PKD1L1: variants seen among roughly 807,000 people sequenced by gnomAD.
The protein encoded by PKD1L1 is polycystin-1-like protein 1.
PKD1L1 carries 236 observed loss-of-function variants against 323.4 expected under a neutral mutation model. The ratio of observed to expected loss-of-function variants is 0.73; its 90% CI spans 0.66 to 0.81. The LOEUF is 0.81. Ranked by LOEUF, PKD1L1 falls within the 40% of genes least tolerant of loss-of-function variation. The probability of loss-of-function intolerance (pLI) is 0.00; values close to 1 mark genes in which losing one functional copy is unlikely to be tolerated. For missense variants in PKD1L1, 3,320 were observed against 3,508.0 expected (o/e 0.95, Z 1.35); for synonymous variants, 1,344 against 1,335.0 (o/e 1.01, Z -0.15).
In PKD1L1 at chr7:47,811,991, G is replaced by T; in HGVS notation, c.7407C>A (p.Thr2469=). 1 of 1,590,980 alleles carries T rather than the reference G, an allele frequency of 6.3e-7. No individual in the cohort carries two copies. Among genetic ancestry groups the T allele is most frequent in the Non-Finnish European group, 8.6e-7 (1 of 1,168,748 alleles). ...LRASMWIDRS[T]RAVSVHFTLY... ...GAGTGAAGTGCACAGACACAGCCCT[G>T]GTGCTGCGGTCAATCCACATGCTGG... is the stretch of plus-strand genomic sequence containing the variant. Residue 2469 remains threonine (T), a synonymous_variant, in exon 50 of 57, where the codon ACC becomes ACA. Transcript: ENST00000289672.
chr7:47,880,580 C>A lies in PKD1L1; in HGVS notation c.3520+148G>T, dbSNP rs62447080. On this transcript the variant is annotated intron_variant, in intron 21 of 56. Coordinates refer to ENST00000289672, the MANE Select transcript of PKD1L1 (RefSeq NM_138295.5). ...TACAAGCGTGAGCCACTGTGCCCAG[C>A]CCTATATATATGTAATTTTTTAAAA... The A allele has an allele frequency of 0.17, 53,661 of 322,654 alleles. 10,800 individuals are homozygous for A. The highest frequency in any genetic ancestry group is 0.53 in the African/African-American group (22,312 of 41,890). The allele number at this position is 322,654 out of a possible 1,614,324, so 20.0% of individuals were successfully genotyped here.
At chr7:47,881,632 C>T (rs74384811) in intron 20 of PKD1L1, among the ~76,000 whole-genome samples, 21 of 152,278 alleles carry the variant, frequency 1.4e-4, no homozygotes, top group African/African-American at 4.8e-4. Context: ...AAGGTGCGCA[C>T]CAAGGTGTCT....
intron 5 of PKD1L1, 84 bp downstream of exon 5, chr7:47,931,852 C>T: frequency 6.7e-7 from 1 of 1,492,386 alleles, no homozygotes; most frequent in Non-Finnish European, 9.0e-7. Flanking sequence ...AGGCCGCCTA[C>T]ATACGGGTGA....
At chr7:47,912,511 T>C (rs1421415027) in intron 8 of PKD1L1, among the ~76,000 whole-genome samples, 2 of 151,080 alleles carry the variant, frequency 1.3e-5, no homozygotes, top group Non-Finnish European at 3.0e-5. Context: ...GCTGCTGGAG[T>C]TGCAAATAAA....
rs560805341 is a variant in PKD1L1, at chr7:47,928,526, C to T, written c.1060+678G>A. 1.7e-3 allele frequency among the ~76,000 whole-genome samples: 264 copies of T among 152,114 alleles called. 3 individuals are homozygous for T. The highest frequency in any genetic ancestry group is 6.0e-3 in the African/African-American group (248 of 41,494). On this transcript the variant is annotated intron_variant, in intron 7 of 56. Transcript: ENST00000289672. ...TGGAGGTTGCAGTGAGCCGAGATTGCGCCACTGCACTCCAGCCTGGGCAAC... is the reference window on the plus strand; with the variant it reads ...TGGAGGTTGCAGTGAGCCGAGATTGTGCCACTGCACTCCAGCCTGGGCAAC...
intron 37 of PKD1L1, 143 bp downstream of exon 37, chr7:47,836,774 CTTCT>C (rs1219156545): frequency 5.8e-6 from 6 of 1,027,292 alleles, no homozygotes; most frequent in Non-Finnish European, 8.4e-6. Context: ...CCTCCTGTTC[CTTCT>C]CTGGTCCCCA....
chr7:47,842,576 C>T (rs1364132406), intron 34 of PKD1L1, among the ~76,000 whole-genome samples: 1 of 152,200 alleles, frequency 6.6e-6, no homozygotes, highest in African/African-American at 2.4e-5. Context: ...TCCTCCACCG[C>T]ATCCTTCTTC....
chr7:47,939,463 C>T (rs1444621462), intron 3 of PKD1L1, among the ~76,000 whole-genome samples: 1 of 152,144 alleles, frequency 6.6e-6, no homozygotes, highest in Non-Finnish European at 1.5e-5. Context: ...AATGCTTATT[C>T]TGGGTGAAAA....
intron 55 of PKD1L1, among the ~76,000 whole-genome samples, chr7:47,795,004 A>T (rs1454618056): frequency 2.0e-5 from 3 of 152,146 alleles, no homozygotes; most frequent in African/African-American, 7.2e-5. Context: ...TTTATTTTAC[A>T]GGCTCATAGG....
chr7:47,868,642 G>A (rs946768732), intron 24 of PKD1L1, among the ~76,000 whole-genome samples: 21 of 152,294 alleles, frequency 1.4e-4, no homozygotes, highest in Non-Finnish European at 2.6e-4. Flanking sequence ...TTGGGAGGCC[G>A]AGGCAGGCGG....
chr7:47,906,403 C>A (rs776921704), intron 9 of PKD1L1, among the ~76,000 whole-genome samples: 64 of 151,986 alleles, frequency 4.2e-4, no homozygotes, highest in Non-Finnish European at 8.5e-4. Flanking sequence ...GTACACACAC[C>A]ATACACATAC....
rs1272790321 is a variant in PKD1L1, at chr7:47,908,233, T to G, written c.1246A>C (p.Lys416Gln). The change falls in exon 9 of 57, where the codon AAG becomes CAG. Residue 416 changes from lysine to glutamine, a missense_variant. Lys to Gln is a moderately conservative substitution (Grantham distance 53). Transcript: ENST00000289672. ...AFVTKGVYML[K>Q]AVIYNEFHGT... ...TGAAACTCGTTATAAATAACAGCCT[T>G]GAGCATATAGACTCCTTCTGGAAAA... The G allele has an allele frequency of 4.3e-6, 7 of 1,613,922 alleles. No individual in the cohort carries two copies. The African/African-American group carries it at 5.3e-5, about 12-fold the overall frequency.
chr7:47,794,589 G>A lies in PKD1L1; in HGVS notation c.8355+1400C>T, dbSNP rs138862479. Among the ~76,000 whole-genome samples the A allele has an allele frequency of 2.7e-3, 410 of 152,278 alleles. 6 individuals are homozygous for A. The highest frequency in any genetic ancestry group is 9.4e-3 in the African/African-American group (391 of 41,562). ...GCGGGGCCCTTATGGAGAACTGCTA[G>A]GGCAGTGTGGAAGGGACCTAGTGGA... On this transcript the variant is annotated intron_variant, in intron 55 of 56. Transcript: ENST00000289672.
At chr7:47,880,284 A>ATATACAT (rs1225214936) in intron 21 of PKD1L1, among the ~76,000 whole-genome samples, 2 of 56,818 alleles carry the variant, frequency 3.5e-5, no homozygotes, top group Non-Finnish European at 5.7e-5. Flanking sequence ...ATATATATAT[A>ATATACAT]TTTTTTTTTT....
intron 7 of PKD1L1, among the ~76,000 whole-genome samples, chr7:47,923,226 C>G (rs1286562135): frequency 6.6e-6 from 1 of 151,816 alleles, no homozygotes; most frequent in Non-Finnish European, 1.5e-5. Context: ...CCTAGGAAAA[C>G]CAGAGACCTT....
chr7:47,833,932 C>T (rs921525815), intron 40 of PKD1L1, among the ~76,000 whole-genome samples: 1 of 152,216 alleles, frequency 6.6e-6, no homozygotes, highest in Non-Finnish European at 1.5e-5. Flanking sequence ...GAGCACCCTC[C>T]TCACAAGGAG....
chr7:47,913,893 T>C (rs946116273), intron 8 of PKD1L1, among the ~76,000 whole-genome samples: 1 of 152,164 alleles, frequency 6.6e-6, no homozygotes, highest in Non-Finnish European at 1.5e-5. Context: ...AAATTTGGGC[T>C]GGGGAAGAGA....
intron 18 of PKD1L1, among the ~76,000 whole-genome samples, chr7:47,885,336 T>TC (rs1204956144): frequency 6.6e-6 from 1 of 152,056 alleles, no homozygotes; most frequent in Non-Finnish European, 1.5e-5. Flanking sequence ...ATGGTTTCCA[T>TC]CCCCCTGAAA....
chr7:47,824,754 A>C (rs977977440), intron 45 of PKD1L1, among the ~76,000 whole-genome samples: 4 of 152,092 alleles, frequency 2.6e-5, no homozygotes, highest in Non-Finnish European at 5.9e-5. Flanking sequence ...CCTGCAGCGA[A>C]TCCTGCAGGC....
Sources: gnomAD v4.1 joint callset for allele counts (sites outside exome capture counted in the v4.1 genomes callset) on GRCh38, gnomAD v4.1.1 for gene constraint, MANE v1.5 for transcripts, NCBI Gene and HGNC (gene_info 2026-07-23, HGNC 2026-07-21) for gene names.